The following WDR33 variants were observed in gnomAD, a reference collection of about 807,000 sequenced individuals.
WDR33 encodes WD repeat domain 33, also known as pre-mRNA 3' end processing protein WDR33.
A neutral mutation model predicts 164.9 loss-of-function variants in WDR33; 47 were observed. That is an observed-to-expected ratio of 0.29 (90% CI 0.23 to 0.36). The LOEUF is 0.36. WDR33 is among the 10% of genes least tolerant of loss of function. WDR33 has a pLI of 1.00. For missense variants in WDR33, 1,137 were observed against 1,754.1 expected (o/e 0.65, Z 6.28); for synonymous variants, 505 against 589.0 (o/e 0.86, Z 2.06).
At position 127,764,510 on chromosome 2, in the gene WDR33, T is replaced by C. The variant is rs771083583; in HGVS notation, c.626+318A>G. The C allele has an allele frequency of 1.5e-5, 23 of 1,500,186 alleles. No individual in the cohort carries two copies. The highest frequency in any genetic ancestry group is 5.2e-5 in the Admixed American group (2 of 38,116). The allele number at this position is 1,500,186 out of a possible 1,614,324, so 92.9% of individuals were successfully genotyped here. The stretch of plus-strand genomic sequence containing the variant: ...TTCTTTATTTGGAATGAAATATTCT[T>C]GTCTTACACAGTAGATAATAAAAAG... On this transcript the variant is annotated intron_variant, in intron 6 of 21. Coordinates refer to ENST00000322313, the MANE Select transcript of WDR33 (RefSeq NM_018383.5). The surrounding 1 kb of genome is among the most constrained non-coding windows in gnomAD (Gnocchi z 6.2).
intron 7 of WDR33, among the ~76,000 whole-genome samples, chr2:127,762,128 A>G (rs1017538428): frequency 2.0e-5 from 3 of 152,172 alleles, no homozygotes; most frequent in African/African-American, 7.2e-5. Context: ...TTGACACCCA[A>G]CACCCGTAGC....
intron 5 of WDR33, 48 bp from the exon 6 acceptor site, chr2:127,765,027 A>G (rs1558943859): frequency 1.3e-6 from 2 of 1,599,876 alleles, no homozygotes; most frequent in Non-Finnish European, 8.5e-7. Context: ...TTCAAAGAAT[A>G]TATGACTAAA....
chr2:127,771,031 TACAA>T, intron 1 of WDR33, 27 bp from the exon 2 acceptor site: 1 of 1,565,778 alleles, frequency 6.4e-7, no homozygotes, highest in Non-Finnish European at 8.8e-7. Flanking sequence ...GTACTTTCAC[TACAA>T]ATATCAGCAC....
Position 127,782,748 on chromosome 2 carries a change from G to A in WDR33, c.-23-11744C>T, listed in dbSNP as rs549281310. 5.1e-4 allele frequency among the ~76,000 whole-genome samples: 78 copies of A among 152,252 alleles called. 2 individuals carry two copies. Among genetic ancestry groups the A allele is most frequent in the African/African-American group, 1.7e-3 (71 of 41,558 alleles). ...GCAGGAGCCAGGAGCGGTGGCTCAC[G>A]CCTGCAATCCCAACACTTTGGGAGG... On this transcript the variant is annotated intron_variant, in intron 1 of 21. Transcript: ENST00000322313.
In WDR33 at chr2:127,720,838, C is replaced by T. The variant is rs1320672704; in HGVS notation, c.1672-485G>A. ...CCTCCCAAAGTGCTGGGATTACAGG[C>T]GTGAGCCACTGTGCCTGGCCTAGTC... On this transcript the variant is annotated intron_variant, in intron 15 of 21. Coordinates refer to ENST00000322313, the MANE Select transcript of WDR33 (RefSeq NM_018383.5). The surrounding 1 kb of genome is among the most constrained non-coding windows in gnomAD (Gnocchi z 5.9). Among the ~76,000 whole-genome samples the T allele has an allele frequency of 2.6e-5, 4 of 151,902 alleles. No individual in the cohort carries two copies. The highest frequency in any genetic ancestry group is 4.8e-5 in the African/African-American group (2 of 41,372).
Position 127,768,182 on chromosome 2 carries a change from T to C in WDR33, c.378+7A>G. The C allele has an allele frequency of 6.6e-7, 1 of 1,509,570 alleles. No homozygotes were observed. Among genetic ancestry groups the C allele is most frequent in the Non-Finnish European group, 8.9e-7 (1 of 1,118,378 alleles). 93.5% of individuals were successfully genotyped at this position (1,509,570 alleles called of 1,614,324 possible). On this transcript the variant is annotated splice_region_variant and intron_variant, in intron 4 of 21. Coordinates refer to ENST00000322313, the MANE Select transcript of WDR33 (RefSeq NM_018383.5). Reference sequence around the variant, plus strand: ...TTTTCCCCCAAAATATCCAACAGATTACTTACCCTAACAACAAATACAGGA... The same window carrying C: ...TTTTCCCCCAAAATATCCAACAGATCACTTACCCTAACAACAAATACAGGA...
At chr2:127,810,691 A>C (rs536974987) in intron 1 of WDR33, 18 of 152,250 alleles carry the variant, frequency 1.2e-4, no homozygotes, top group African/African-American at 3.4e-4. Flanking sequence ...CCCGCCCCAA[A>C]CCTCAGTTAA....
intron 1 of WDR33, among the ~76,000 whole-genome samples, chr2:127,801,776 C>T (rs1474199962): frequency 1.3e-5 from 2 of 152,018 alleles, no homozygotes; most frequent in African/African-American, 4.8e-5. Context: ...GCCAGCTACT[C>T]GGGAGACTGA....
intron 1 of WDR33, among the ~76,000 whole-genome samples, chr2:127,772,175 G>A (rs1007331778): frequency 6.6e-6 from 1 of 151,616 alleles, no homozygotes; most frequent in African/African-American, 2.4e-5. Flanking sequence ...AGTGGCTCAT[G>A]CCTGTAATCC....
At position 127,722,568 on chromosome 2, in the gene WDR33, G is replaced by C; in HGVS notation, c.1518+23C>G. On this transcript the variant is annotated intron_variant, in intron 14 of 21. Transcript: ENST00000322313. The surrounding 1 kb of genome is among the most constrained non-coding windows in gnomAD (Gnocchi z 5.1). ...CCAACCAAAACCTCTCTGCGTGGAT[G>C]AGGTGGAGTCACTTTTACTTACCTG... 6.2e-7 allele frequency: 1 copy of C among 1,608,952 alleles called. No homozygotes were observed. The highest frequency in any genetic ancestry group is 1.7e-5 in the Admixed American group (1 of 58,912).
intron 7 of WDR33, among the ~76,000 whole-genome samples, chr2:127,760,602 A>T (rs1488090849): frequency 6.6e-6 from 1 of 152,242 alleles, no homozygotes; most frequent in Non-Finnish European, 1.5e-5. Flanking sequence ...AATTTGGAAA[A>T]GTGAGAAATG....
Position 127,762,348 on chromosome 2 carries a change from T to C in WDR33, c.724+714A>G, listed in dbSNP as rs114310192. Reference sequence around the variant, plus strand: ...TGTTGTGATGTTTGTATTGCATATATACAACAAATTCCTTAACTCTACCAC... The same window carrying C: ...TGTTGTGATGTTTGTATTGCATATACACAACAAATTCCTTAACTCTACCAC... On this transcript the variant is annotated intron_variant, in intron 7 of 21. Transcript: ENST00000322313. The C allele has an allele frequency of 9.5e-3, 2,283 of 240,602 alleles. 66 individuals are homozygous for C. The highest frequency in any genetic ancestry group is 0.051 in the African/African-American group (2,197 of 43,180). The allele number at this position is 240,602 out of a possible 1,614,324, so 14.9% of individuals were successfully genotyped here. A position where few individuals can be genotyped will look rare whatever the true frequency, so the allele number is the denominator to read the frequency against.
chr2:127,731,670 G>A (rs1686710300), intron 7 of WDR33, among the ~76,000 whole-genome samples: 1 of 152,170 alleles, frequency 6.6e-6, no homozygotes, highest in Non-Finnish European at 1.5e-5. Flanking sequence ...TCATAAAACT[G>A]AGGCAGAAAT....
intron 1 of WDR33, among the ~76,000 whole-genome samples, chr2:127,806,136 T>C (rs114533154): frequency 0.018 from 2,683 of 151,146 alleles, 82 homozygotes; most frequent in African/African-American, 0.06. Flanking sequence ...TTTAAAATTT[T>C]AAATAAAAAA....
chr2:127,782,344 G>T (rs1013679576), intron 1 of WDR33, among the ~76,000 whole-genome samples: 22 of 151,952 alleles, frequency 1.4e-4, no homozygotes, highest in Non-Finnish European at 1.3e-4. Flanking sequence ...GGAGGCAGGG[G>T]TTGCGGCGAG....
rs753561245 is a variant in WDR33, at chr2:127,701,960, G to T, written c.*4363C>A. 1.7e-5 allele frequency: 24 copies of T among 1,397,372 alleles called. No homozygotes were observed. In the South Asian group the frequency reaches 3.3e-4, roughly 19 times the overall value. The allele number at this position is 1,397,372 out of a possible 1,614,324, so 86.6% of individuals were successfully genotyped here. A position where few individuals can be genotyped will look rare whatever the true frequency, so the allele number is the denominator to read the frequency against. ...TGCGCTGCGAAGAAGCGCCGTCCCG[G>T]CCCGCGCTGCTCTACATGGCAGCGC... On this transcript the variant is annotated 3_prime_UTR_variant, in exon 22 of 22. Coordinates refer to ENST00000322313, the MANE Select transcript of WDR33 (RefSeq NM_018383.5).
At position 127,735,275 on chromosome 2, in the gene WDR33, C is replaced by T. The variant is rs116224774; in HGVS notation, c.725-8498G>A. The stretch of plus-strand genomic sequence containing the variant: ...GGCCCTCACCCCTCCTCCACCTGAT[C>T]ACCCCTCCTCCACCTCATCAGATCC... On this transcript the variant is annotated intron_variant, in intron 7 of 21. Coordinates refer to ENST00000322313, the MANE Select transcript of WDR33 (RefSeq NM_018383.5). The surrounding 1 kb of genome is among the most constrained non-coding windows in gnomAD (Gnocchi z 4.3). The T allele has an allele frequency of 4.4e-3, 2,772 of 633,836 alleles. 81 individuals carry two copies. The African/African-American group carries it at 0.053, about 12-fold the overall frequency. The allele number at this position is 633,836 out of a possible 1,614,324, so 39.3% of individuals were successfully genotyped here. A position where few individuals can be genotyped will look rare whatever the true frequency, so the allele number is the denominator to read the frequency against.
At chr2:127,788,415 G>A (rs1460312966) in intron 1 of WDR33, among the ~76,000 whole-genome samples, 3 of 126,198 alleles carry the variant, frequency 2.4e-5, no homozygotes, top group Non-Finnish European at 3.4e-5. Flanking sequence ...GGCTGGCCGG[G>A]CGGAGGGCTG....
chr2:127,728,904 AG>A (rs1291825264), intron 7 of WDR33, among the ~76,000 whole-genome samples: 1 of 152,342 alleles, frequency 6.6e-6, no homozygotes, highest in East Asian at 1.9e-4. Flanking sequence ...ATGTCTGTTT[AG>A]TTTTAAGGTA....
Sources: gnomAD v4.1 joint callset for allele counts (sites outside exome capture counted in the v4.1 genomes callset) on GRCh38, gnomAD v4.1.1 for gene constraint, Gnocchi (gnomAD v3.1) non-coding constraint, MANE v1.5 for transcripts, NCBI Gene and HGNC (gene_info 2026-07-23, HGNC 2026-07-21) for gene names.